ATP6V1H: variants seen among roughly 807,000 people sequenced by gnomAD.
ATP6V1H encodes the protein ATPase H+ transporting V1 subunit H.
A neutral mutation model predicts 71.7 loss-of-function variants in ATP6V1H; 39 were observed. That is an observed-to-expected ratio of 0.54 (90% CI 0.42 to 0.71). ATP6V1H has a LOEUF of 0.71. ATP6V1H is among the 30% of genes least tolerant of loss of function. ATP6V1H has a pLI of 0.00. For synonymous variants in ATP6V1H, 192 were observed against 199.3 expected (o/e 0.96, Z 0.31); for missense variants, 509 against 594.9 (o/e 0.86, Z 1.50).
chr8:53,715,984 TCTGGGGCTGCTCGGA>T lies in ATP6V1H; in HGVS notation c.1417_1431del (p.Ser473_Gln477del). On this transcript the variant is annotated inframe_deletion, in exon 14 of 14. Transcript: ENST00000359530. Reference sequence around the variant, plus strand: ...CAGGCTTAGCTTCGGGCGGCAGCGGTCTGGGGCTGCTCGGACTGGAGCTGCTTGCCAAGGTATTCC... The same window carrying T: ...CAGGCTTAGCTTCGGGCGGCAGCGGTCTGGAGCTGCTTGCCAAGGTATTCC... The T allele has an allele frequency of 1.2e-6, 2 of 1,607,410 alleles. No homozygotes were observed. Among genetic ancestry groups the T allele is most frequent in the East Asian group, 4.5e-5 (2 of 44,690 alleles).
chr8:53,751,756 G>A (rs1465490637), intron 12 of ATP6V1H, among the ~76,000 whole-genome samples: 11 of 150,854 alleles, frequency 7.3e-5, no homozygotes, highest in Non-Finnish European at 8.8e-5. Context: ...TGCAACCTCC[G>A]CCTCCTGGGT....
chr8:53,798,715 T>C (rs917165785), intron 8 of ATP6V1H, among the ~76,000 whole-genome samples: 2 of 152,142 alleles, frequency 1.3e-5, no homozygotes, highest in Non-Finnish European at 2.9e-5. Flanking sequence ...TAAATGACTT[T>C]TTGAAATTGC....
chr8:53,794,907 T>C (rs572539701), intron 9 of ATP6V1H, among the ~76,000 whole-genome samples: 1 of 152,306 alleles, frequency 6.6e-6, no homozygotes, highest in African/African-American at 2.4e-5. Flanking sequence ...TAGAACAATG[T>C]ATAGCAGAGG....
chr8:53,753,413 C>T (rs1489030758), intron 12 of ATP6V1H, among the ~76,000 whole-genome samples: 1 of 152,080 alleles, frequency 6.6e-6, no homozygotes, highest in Non-Finnish European at 1.5e-5. Flanking sequence ...TAGGGAGAGA[C>T]AGTAAGGCAG....
rs534229672 is a variant in ATP6V1H, at chr8:53,745,306, T to C, written c.1278-1616A>G. Among the ~76,000 whole-genome samples the C allele has an allele frequency of 1.4e-4, 22 of 151,928 alleles. No individual in the cohort carries two copies. In the South Asian group the frequency reaches 4.2e-3, roughly 29 times the overall value. On this transcript the variant is annotated intron_variant, in intron 12 of 13. Transcript: ENST00000359530. The stretch of plus-strand genomic sequence containing the variant: ...GAACCAGCTACTTGAGAGGCTGAGG[T>C]GGGAAGATTGCTTGAGCCCAGTTCA...
At chr8:53,739,065 A>G (rs961521154) in intron 13 of ATP6V1H, among the ~76,000 whole-genome samples, 21 of 152,220 alleles carry the variant, frequency 1.4e-4, no homozygotes, top group Non-Finnish European at 1.5e-5. Flanking sequence ...CCAGAAACAG[A>G]CCAGGTACCC....
chr8:53,778,310 T>C (rs1484600281), intron 9 of ATP6V1H, among the ~76,000 whole-genome samples: 1 of 152,204 alleles, frequency 6.6e-6, no homozygotes, highest in African/African-American at 2.4e-5. Flanking sequence ...CCCACCACTT[T>C]AAACATTTAT....
chr8:53,822,457 TGAC>T (rs1810693710), intron 4 of ATP6V1H, among the ~76,000 whole-genome samples: 2 of 151,932 alleles, frequency 1.3e-5, no homozygotes. Context: ...CTATTAAAAA[TGAC>T]AAGTGAAATT....
intron 9 of ATP6V1H, among the ~76,000 whole-genome samples, chr8:53,793,705 G>A (rs1253979731): frequency 3.3e-5 from 5 of 152,000 alleles, no homozygotes; most frequent in African/African-American, 4.8e-5. Flanking sequence ...TTGGGAGGCC[G>A]AGGCAGGTGG....
chr8:53,842,475 C>G (rs1301813887), intron 1 of ATP6V1H: 1 of 152,204 alleles, frequency 6.6e-6, no homozygotes, highest in Admixed American at 6.5e-5. Context: ...AAATTCACGG[C>G]CATGGCCACA....
intron 1 of ATP6V1H, among the ~76,000 whole-genome samples, 161 bp from the exon 2 acceptor site, chr8:53,841,886 T>C (rs1185117917): frequency 1.3e-5 from 2 of 152,240 alleles, no homozygotes; most frequent in African/African-American, 2.4e-5. Context: ...ATTTCAAATA[T>C]TGTCCACTGC....
chr8:53,794,524 C>A (rs1167711087), intron 9 of ATP6V1H, among the ~76,000 whole-genome samples: 1 of 152,116 alleles, frequency 6.6e-6, no homozygotes, highest in African/African-American at 2.4e-5. Context: ...TGACACCACG[C>A]CCAGCTAATT....
intron 4 of ATP6V1H, among the ~76,000 whole-genome samples, chr8:53,822,764 A>G (rs949265741): frequency 1.3e-5 from 2 of 152,130 alleles, no homozygotes; most frequent in Non-Finnish European, 2.9e-5. Context: ...AGACTTACCT[A>G]AAACAAAATG....
intron 9 of ATP6V1H, among the ~76,000 whole-genome samples, chr8:53,783,399 C>A (rs1487220202): frequency 4.6e-5 from 7 of 152,114 alleles, no homozygotes; most frequent in African/African-American, 7.2e-5. Context: ...TCACCTTTAT[C>A]ATTTTTTATT....
rs183032207 is a variant in ATP6V1H at position 53,803,843 on chromosome 8, C to T, written c.580-1947G>A. Among the ~76,000 whole-genome samples, 336 of 152,168 alleles carry T rather than the reference C, an allele frequency of 2.2e-3. 2 individuals carry two copies. Among genetic ancestry groups the T allele is most frequent in the African/African-American group, 7.8e-3 (325 of 41,520 alleles). ...CTAAAGAAGAGGAATCCCATCTTTC[C>T]TGCTTAGAGAGATAACCAAGCAAGA... On this transcript the variant is annotated intron_variant, in intron 7 of 13. Coordinates refer to ENST00000359530, the MANE Select transcript of ATP6V1H (RefSeq NM_015941.4).
At position 53,770,436 on chromosome 8, in the gene ATP6V1H, T is replaced by C. The variant is rs575670313; in HGVS notation, c.1050-693A>G. On this transcript the variant is annotated intron_variant, in intron 10 of 13. Transcript: ENST00000359530. ...GTAGACAAACACAGTCAGAACATAC[T>C]TGGACTTTCTCTGAAGTAAAAATTT... 4.6e-5 allele frequency among the ~76,000 whole-genome samples: 7 copies of C among 152,308 alleles called. No individual in the cohort carries two copies. In the South Asian group the frequency reaches 1.0e-3, roughly 23 times the overall value.
intron 4 of ATP6V1H, among the ~76,000 whole-genome samples, chr8:53,828,280 G>A (rs1383334655): frequency 6.6e-6 from 1 of 152,142 alleles, no homozygotes; most frequent in Non-Finnish European, 1.5e-5. Flanking sequence ...ACACACTGAG[G>A]ATAAGAGGAA....
chr8:53,741,715 T>G (rs968005753), intron 13 of ATP6V1H, among the ~76,000 whole-genome samples: 1 of 152,246 alleles, frequency 6.6e-6, no homozygotes, highest in African/African-American at 2.4e-5. Context: ...TTTTTCCTCC[T>G]GCTAAACTGA....
intron 13 of ATP6V1H, among the ~76,000 whole-genome samples, chr8:53,719,391 G>A (rs769317939): frequency 1.3e-5 from 2 of 152,060 alleles, no homozygotes; most frequent in Non-Finnish European, 2.9e-5. Flanking sequence ...GGCTGGTCTC[G>A]AACTCCTGAC....
Sources: allele counts gnomAD v4.1 joint callset (sites outside exome capture counted in the v4.1 genomes callset), GRCh38; gene constraint gnomAD v4.1.1; transcripts MANE v1.5; gene names NCBI Gene and HGNC (gene_info 2026-07-23, HGNC 2026-07-21).